GPAM: variants seen among roughly 807,000 people sequenced by gnomAD.
GPAM encodes the protein glycerol-3-phosphate acyltransferase, mitochondrial.
GPAM carries 56 observed loss-of-function variants against 105.0 expected under a neutral mutation model. That is an observed-to-expected ratio of 0.53 (90% confidence interval 0.43 to 0.67). The LOEUF (loss-of-function observed/expected upper bound fraction) is 0.67, where lower values mean the gene tolerates loss of function less well. Ranked by LOEUF, GPAM falls within the 30% of genes least tolerant of loss-of-function variation. GPAM has a pLI of 0.00. For synonymous variants in GPAM, 368 were observed against 354.4 expected, an observed-to-expected ratio of 1.04 and a Z score of -0.43; for missense variants, 855 against 989.8, an observed-to-expected ratio of 0.86 and a Z score of 1.83.
chr10:112,224,550 T>C, the GPAM span, among the ~76,000 whole-genome samples: 1 of 152,130 alleles, frequency 6.6e-6, no homozygotes, highest in African/African-American at 2.4e-5. Flanking sequence ...AGTGTCTGTA[T>C]TCAAAGCAAA....
chr10:112,158,946 A>T (rs185743339), intron 17 of GPAM, among the ~76,000 whole-genome samples: 45 of 152,252 alleles, frequency 3.0e-4, no homozygotes, highest in African/African-American at 1.1e-3. Context: ...CCTCACACAA[A>T]GCATGGCATG....
At chr10:112,157,519 G>A (rs1847039523) in intron 18 of GPAM, 130 bp from the exon 19 acceptor site, 2 of 812,154 alleles carry the variant, frequency 2.5e-6, no homozygotes, top group African/African-American at 3.4e-5. Context: ...CACTCATAAT[G>A]TCAGTCCACT....
intron 1 of GPAM, among the ~76,000 whole-genome samples, chr10:112,202,463 A>G (rs1847809065): frequency 6.6e-6 from 1 of 152,248 alleles, no homozygotes; most frequent in Non-Finnish European, 1.5e-5. Context: ...GACAGCAGGT[A>G]GATAACTGTT....
upstream of GPAM, among the ~76,000 whole-genome samples, chr10:112,187,032 G>A (rs560904350): frequency 1.3e-5 from 2 of 152,276 alleles, no homozygotes; most frequent in South Asian, 2.1e-4. Flanking sequence ...AAGGTAAACT[G>A]TAATAAGTTA....
rs772203593 is a variant in GPAM at position 112,157,246 on chromosome 10, T to A, written c.2121+3A>T. Reference sequence around the variant, plus strand: ...TATCCACCAGAATTCTTCACCCAAGTACCTTCAGGTAGCAATCTCGCTGTT... The same window carrying A: ...TATCCACCAGAATTCTTCACCCAAGAACCTTCAGGTAGCAATCTCGCTGTT... On this transcript the variant is annotated splice_donor_region_variant and intron_variant, in intron 19 of 21. Transcript: ENST00000348367. 6.2e-7 allele frequency: 1 copy of A among 1,612,630 alleles called. No individual in the cohort carries two copies. Among genetic ancestry groups the A allele is most frequent in the South Asian group, 1.1e-5 (1 of 91,042 alleles).
chr10:112,202,309 C>T (rs767564427), intron 1 of GPAM, among the ~76,000 whole-genome samples: 5 of 152,140 alleles, frequency 3.3e-5, no homozygotes, highest in African/African-American at 4.8e-5. Context: ...GTATTTGGCC[C>T]AGGAGCCATA....
intron 1 of GPAM, among the ~76,000 whole-genome samples, chr10:112,197,978 A>C (rs1847745676): frequency 6.6e-6 from 1 of 152,368 alleles, no homozygotes; most frequent in African/African-American, 2.4e-5. Flanking sequence ...ACCATTAATT[A>C]CAAATCACAA....
Position 112,168,386 on chromosome 10 carries a change from G to C in GPAM, c.1033C>G (p.Pro345Ala), listed in dbSNP as rs1001831797. The C allele has an allele frequency of 6.2e-7, 1 of 1,609,838 alleles. No homozygotes were observed. Among genetic ancestry groups the C allele is most frequent in the African/African-American group, 1.3e-5 (1 of 74,938 alleles). ...CCAACAGGTATTATCAAGATGTCTG[G>C]GATGACATTGGTAGACAGAGTATCT... Reference protein sequence around the residue: ...VVDTLSTNVIPDILIIPVGIS... With the variant: ...VVDTLSTNVIADILIIPVGIS... Residue 345 changes from proline (P) to alanine (A), a missense_variant, in exon 11 of 22, where the codon CCA (proline) becomes GCA (alanine). Physicochemically the swap from Pro to Ala is conservative, Grantham distance 27. Coordinates refer to ENST00000348367, the MANE Select transcript of GPAM (RefSeq NM_001244949.2).
chr10:112,168,291 C>T, intron 11 of GPAM, 21 bp downstream of exon 11: 1 of 1,387,220 alleles, frequency 7.2e-7, no homozygotes, highest in Non-Finnish European at 1.0e-6. Context: ...GCAAAGAAAA[C>T]TTTTGTGTAG....
intron 1 of GPAM, among the ~76,000 whole-genome samples, chr10:112,193,758 G>C (rs1847690930): frequency 6.6e-6 from 1 of 152,208 alleles, no homozygotes; most frequent in Non-Finnish European, 1.5e-5. Context: ...TATGATAATT[G>C]TTTTTAGGAT....
intron 4 of GPAM, among the ~76,000 whole-genome samples, chr10:112,178,315 C>T (rs1431467773): frequency 2.0e-5 from 3 of 152,020 alleles, no homozygotes; most frequent in African/African-American, 4.8e-5. Flanking sequence ...TTTGGGAGGC[C>T]GAAGCGGGCA....
At chr10:112,186,497 G>A (rs2133277238), upstream of GPAM, among the ~76,000 whole-genome samples, 1 of 151,514 alleles carries the variant, frequency 6.6e-6, no homozygotes, top group African/African-American at 2.4e-5. Context: ...CAAATACGTA[G>A]GTAAATAATT....
At chr10:112,202,737 G>A (rs1433457730) in intron 1 of GPAM, among the ~76,000 whole-genome samples, 3 of 152,142 alleles carry the variant, frequency 2.0e-5, no homozygotes, top group Non-Finnish European at 2.9e-5. Flanking sequence ...TTTCAACCAT[G>A]GAGCCTGGAC....
At chr10:112,167,716 A>G (rs1248686857) in intron 11 of GPAM, among the ~76,000 whole-genome samples, 2 of 152,260 alleles carry the variant, frequency 1.3e-5, no homozygotes. Context: ...TGATGATAGG[A>G]GAAGCACAAG....
Position 112,150,934 on chromosome 10 carries a change from AAC to A in GPAM, c.*2614_*2615del, listed in dbSNP as rs1846904919. 3 of 985,070 alleles carry A rather than the reference AAC, an allele frequency of 3.0e-6. No individual in the cohort carries two copies. In the African/African-American group the frequency reaches 5.2e-5, roughly 17 times the overall value. 61.0% of individuals were successfully genotyped at this position (985,070 alleles called of 1,614,324 possible). On this transcript the variant is annotated 3_prime_UTR_variant, in exon 22 of 22. Transcript: ENST00000348367. Reference sequence around the variant, plus strand: ...TTACCCTCATGACTTTGTGAAATTTAACAGATTCCAGAAGGAAGACTCGAAGC... The same window carrying A: ...TTACCCTCATGACTTTGTGAAATTTAAGATTCCAGAAGGAAGACTCGAAGC...
upstream of GPAM, among the ~76,000 whole-genome samples, chr10:112,220,169 G>A (rs1399045694): frequency 2.0e-5 from 3 of 151,986 alleles, no homozygotes; most frequent in Non-Finnish European, 4.4e-5. Flanking sequence ...CAGGCAGGAG[G>A]ACCATTTTCC....
intron 7 of GPAM, 132 bp downstream of exon 7, chr10:112,173,567 A>T: frequency 1.1e-6 from 1 of 922,072 alleles, no homozygotes; most frequent in Non-Finnish European, 1.8e-6. Context: ...AGAAGAGTTT[A>T]ATTTAATATC....
Position 112,173,788 on chromosome 10 carries a change from C to T in GPAM, c.471G>A (p.Gln157=). Reference sequence around the variant, plus strand: ...CTTTGTTAACGGCTTTTGATTGCTGCTGGGCAGAACCATCAGGGTTTAATT... The same window carrying T: ...CTTTGTTAACGGCTTTTGATTGCTGTTGGGCAGAACCATCAGGGTTTAATT... The part of the protein sequence containing the change: ...AAELNPDGSA[Q]QQSKAVNKVK... Residue 157 remains glutamine, a synonymous_variant, in exon 7 of 22, where the codon CAG becomes CAA. Coordinates refer to ENST00000348367, the MANE Select transcript of GPAM (RefSeq NM_001244949.2). The T allele has an allele frequency of 1.2e-6, 2 of 1,613,150 alleles. No individual in the cohort carries two copies. The highest frequency in any genetic ancestry group is 1.7e-6 in the Non-Finnish European group (2 of 1,179,178).
Position 112,161,625 on chromosome 10 carries a change from C to A in GPAM, c.1494+42G>T, listed in dbSNP as rs147847503. ...GTATCTGAGCAGCTGACAAAACATT[C>A]TCCTGCTTCCTACTTAACTGCAGGT... is the stretch of plus-strand genomic sequence containing the variant. On this transcript the variant is annotated intron_variant, in intron 15 of 21. Transcript: ENST00000348367. The A allele has an allele frequency of 2.0e-6, 3 of 1,517,816 alleles. No homozygotes were observed. The East Asian group carries it at 6.8e-5, about 34-fold the overall frequency. The allele number at this position is 1,517,816 out of a possible 1,614,324, so 94.0% of individuals were successfully genotyped here. A position where few individuals can be genotyped will look rare whatever the true frequency, so the allele number is the denominator to read the frequency against.
Sources: allele counts gnomAD v4.1 joint callset (sites outside exome capture counted in the v4.1 genomes callset), GRCh38; gene constraint gnomAD v4.1.1; transcripts MANE v1.5; gene names NCBI Gene and HGNC (gene_info 2026-07-23, HGNC 2026-07-21).